PPP1R8: variants seen among roughly 807,000 people sequenced by gnomAD.
The protein encoded by PPP1R8 is protein phosphatase 1 regulatory subunit 8.
PPP1R8 carries 4 observed loss-of-function variants against 31.3 expected under a neutral mutation model. The ratio of observed to expected loss-of-function variants is 0.13; its 90% CI spans 0.06 to 0.29. The LOEUF (loss-of-function observed/expected upper bound fraction) is 0.29, where lower values mean the gene tolerates loss of function less well. Ranked by LOEUF, PPP1R8 falls within the 10% of genes least tolerant of loss-of-function variation. The probability of loss-of-function intolerance (pLI) is 1.00; values close to 1 mark genes in which losing one functional copy is unlikely to be tolerated. For synonymous variants in PPP1R8, 170 were observed against 169.7 expected, an observed-to-expected ratio of 1.00 and a Z score of -0.01; for missense variants, 254 against 440.1, an observed-to-expected ratio of 0.58 and a Z score of 3.78.
chr1:27,844,918 A>G (rs1304850079), intron 5 of PPP1R8, among the ~76,000 whole-genome samples: 1 of 79,820 alleles, frequency 1.3e-5, no homozygotes, highest in Non-Finnish European at 2.0e-5. Flanking sequence ...TTTTTTTAGT[A>G]GAGACGGGGT....
intron 1 of PPP1R8, 153 bp downstream of exon 1, chr1:27,831,044 A>T: frequency 7.2e-7 from 1 of 1,394,600 alleles, no homozygotes; most frequent in Non-Finnish European, 9.3e-7. Flanking sequence ...GGGCCGGGCG[A>T]CGTGTTGAAG....
intron 2 of PPP1R8, among the ~76,000 whole-genome samples, chr1:27,835,523 A>G (rs1401222153): frequency 6.6e-6 from 1 of 152,214 alleles, no homozygotes; most frequent in African/African-American, 2.4e-5. Flanking sequence ...CCAGCAGCAG[A>G]TGGGCACTGC....
At chr1:27,834,578 C>T (rs1350559680) in intron 2 of PPP1R8, 1 of 514,194 alleles carries the variant, frequency 1.9e-6, no homozygotes, top group South Asian at 1.4e-5. Context: ...GATAGCAGTA[C>T]TGGCCATAGC....
chr1:27,830,870 C>A lies in PPP1R8; in HGVS notation c.35C>A (p.Pro12Gln), dbSNP rs866211177. ...AAAANSGSSL[P>Q]LFDCPTWAGK... ...GCCGCGAACTCCGGCTCTAGCCTCC[C>A]GCTGTTCGACTGCCCAACCTGGTGA... The change falls in exon 1 of 7, where the codon CCG becomes CAG. Residue 12 changes from proline (P) to glutamine (Q), a missense_variant. Around this residue, in one of 6 missense-constraint regions of PPP1R8, gnomAD observed 38 missense variants for 18.6 expected, o/e 2.04. Coordinates refer to ENST00000311772, the MANE Select transcript of PPP1R8 (RefSeq NM_014110.5). 6.4e-7 allele frequency: 1 copy of A among 1,573,098 alleles called. No individual in the cohort carries two copies. The highest frequency in any genetic ancestry group is 8.6e-7 in the Non-Finnish European group (1 of 1,160,222).
intron 6 of PPP1R8, 142 bp from the exon 7 acceptor site, chr1:27,849,951 G>A (rs2089324284): frequency 1.4e-6 from 1 of 721,432 alleles, no homozygotes; most frequent in Admixed American, 2.5e-5. Flanking sequence ...TAGGTTGTCT[G>A]GAAAGGAGAA....
chr1:27,838,714 GAGA>G lies in PPP1R8; in HGVS notation c.139_141del (p.Lys47del). ...ATTTATTTAGAAACTGATTATTGAT[GAGA>G]AGAAGTATTACTTATTTGGGAGAAA... On this transcript the variant is annotated inframe_deletion, in exon 3 of 7. Coordinates refer to ENST00000311772, the MANE Select transcript of PPP1R8 (RefSeq NM_014110.5). The G allele has an allele frequency of 1.3e-6, 2 of 1,561,082 alleles. No individual in the cohort carries two copies. Among genetic ancestry groups the G allele is most frequent in the East Asian group, 2.3e-5 (1 of 44,160 alleles).
intron 5 of PPP1R8, among the ~76,000 whole-genome samples, chr1:27,845,491 C>T (rs138800070): frequency 3.0e-4 from 45 of 151,916 alleles, no homozygotes; most frequent in South Asian, 4.2e-4. Flanking sequence ...GCTCTGAAAC[C>T]GGAGGGGCCA....
At chr1:27,835,353 G>A (rs1256347645) in intron 2 of PPP1R8, among the ~76,000 whole-genome samples, 1 of 152,170 alleles carries the variant, frequency 6.6e-6, no homozygotes, top group East Asian at 1.9e-4. Context: ...ACAAGTTGTT[G>A]AAATTTCTGG....
At chr1:27,848,853 G>A (rs769046788) in intron 6 of PPP1R8, among the ~76,000 whole-genome samples, 2 of 152,064 alleles carry the variant, frequency 1.3e-5, no homozygotes, top group Non-Finnish European at 2.9e-5. Flanking sequence ...ATAGTTTTAT[G>A]TCAATTTTAT....
At chr1:27,834,101 T>TA (rs1478302682) in intron 2 of PPP1R8, among the ~76,000 whole-genome samples, 2 of 152,270 alleles carry the variant, frequency 1.3e-5, no homozygotes. Flanking sequence ...TATAGGGATC[T>TA]GTTTTATTAC....
chr1:27,840,532 A>G (rs2089212742), intron 3 of PPP1R8, among the ~76,000 whole-genome samples: 1 of 152,226 alleles, frequency 6.6e-6, no homozygotes. Flanking sequence ...CCACCAGGCC[A>G]GCAATTTCTA....
Position 27,839,879 on chromosome 1 carries a change from T to C in PPP1R8, c.271+1027T>C, listed in dbSNP as rs574949943. Among the ~76,000 whole-genome samples the C allele has an allele frequency of 1.9e-4, 29 of 152,158 alleles. 1 individual carries two copies. Among genetic ancestry groups the C allele is most frequent in the African/African-American group, 6.7e-4 (28 of 41,512 alleles). The stretch of plus-strand genomic sequence containing the variant: ...TTCAAGACCAGCATGAGCAATGTAA[T>C]GAGACCCGCGTCTCTACAAAAAAAT... On this transcript the variant is annotated intron_variant, in intron 3 of 6. Coordinates refer to ENST00000311772, the MANE Select transcript of PPP1R8 (RefSeq NM_014110.5).
At chr1:27,849,184 C>G (rs1255653363) in intron 6 of PPP1R8, among the ~76,000 whole-genome samples, 1 of 152,036 alleles carries the variant, frequency 6.6e-6, no homozygotes, top group African/African-American at 2.4e-5. Flanking sequence ...CCAGCCTGAC[C>G]AACATGGAGA....
chr1:27,844,653 C>G (rs536593025), intron 5 of PPP1R8, among the ~76,000 whole-genome samples: 1 of 149,050 alleles, frequency 6.7e-6, no homozygotes, highest in East Asian at 2.0e-4. Flanking sequence ...TAATGAGCTC[C>G]TGTTTGTACA....
chr1:27,842,389 T>C (rs894577708), intron 4 of PPP1R8, among the ~76,000 whole-genome samples: 2 of 152,100 alleles, frequency 1.3e-5, no homozygotes, highest in Non-Finnish European at 2.9e-5. Context: ...GAAGTCGTTT[T>C]GTTTTGAAGA....
In PPP1R8 at chr1:27,839,575, T is replaced by G. The variant is rs188645367; in HGVS notation, c.271+723T>G. On this transcript the variant is annotated intron_variant, in intron 3 of 6. Transcript: ENST00000311772. The stretch of plus-strand genomic sequence containing the variant: ...AGGCACCCAGGAACTAGGGACCATG[T>G]GTGTTCAAGTGTTTATAGGACCATA... Among the ~76,000 whole-genome samples, 427 of 152,248 alleles carry G rather than the reference T, an allele frequency of 2.8e-3. 19 individuals carry two copies. Among genetic ancestry groups the G allele is most frequent in the Admixed American group, 0.028 (426 of 15,268 alleles).
chr1:27,837,298 G>A (rs554347074), intron 2 of PPP1R8, among the ~76,000 whole-genome samples: 4 of 151,602 alleles, frequency 2.6e-5, no homozygotes, highest in Admixed American at 1.3e-4. Flanking sequence ...GGGCGTGGTG[G>A]CACACGCCTG....
intron 1 of PPP1R8, among the ~76,000 whole-genome samples, chr1:27,831,755 T>C (rs192167729): frequency 2.6e-5 from 4 of 152,278 alleles, no homozygotes; most frequent in Admixed American, 2.6e-4. Flanking sequence ...AAAATGGCCT[T>C]TTGTCCGGTG....
chr1:27,842,384 C>T (rs916946950), intron 4 of PPP1R8, among the ~76,000 whole-genome samples: 1 of 151,490 alleles, frequency 6.6e-6, no homozygotes, highest in African/African-American at 2.4e-5. Context: ...ATTAAGAAGT[C>T]GTTTTGTTTT....
Sources: allele counts gnomAD v4.1 joint callset (sites outside exome capture counted in the v4.1 genomes callset), GRCh38; gene constraint gnomAD v4.1.1; regional missense constraint gnomAD v4.1.1; transcripts MANE v1.5; gene names NCBI Gene and HGNC (gene_info 2026-07-23, HGNC 2026-07-21).